The following KCNIP4 variants were observed in gnomAD, a reference collection of about 807,000 sequenced individuals.
KCNIP4 encodes the protein potassium voltage-gated channel interacting protein 4.
KCNIP4 carries 12 observed loss-of-function variants against 34.0 expected under a neutral mutation model. That is an observed-to-expected ratio of 0.35 (90% CI 0.23 to 0.57). KCNIP4 has a LOEUF of 0.57. KCNIP4 is among the 20% of genes least tolerant of loss of function. The probability of loss-of-function intolerance (pLI) is 0.83; values close to 1 mark genes in which losing one functional copy is unlikely to be tolerated. For missense variants in KCNIP4, 238 were observed against 311.7 expected, an observed-to-expected ratio of 0.76 and a Z score of 1.78; for synonymous variants, 124 against 102.2, an observed-to-expected ratio of 1.21 and a Z score of -1.29.
intron 1 of KCNIP4, among the ~76,000 whole-genome samples, chr4:21,734,754 T>C (rs1012549244): frequency 6.6e-6 from 1 of 152,120 alleles, no homozygotes; most frequent in African/African-American, 2.4e-5. Context: ...TTTCAAAAGC[T>C]ACAATCCAGG....
At chr4:21,244,326 A>G (rs1310693868) in intron 1 of KCNIP4, among the ~76,000 whole-genome samples, 1 of 152,212 alleles carries the variant, frequency 6.6e-6, no homozygotes, top group East Asian at 1.9e-4. Flanking sequence ...TTTCCATGAA[A>G]ACCAGGCTAT....
chr4:21,916,715 G>A (rs1728649505), intron 1 of KCNIP4, among the ~76,000 whole-genome samples: 1 of 152,162 alleles, frequency 6.6e-6, no homozygotes, highest in Non-Finnish European at 1.5e-5. Flanking sequence ...AAAAAGCTGG[G>A]CTTTGAGGAT....
At chr4:21,089,278 T>C (rs921005138) in intron 1 of KCNIP4, among the ~76,000 whole-genome samples, 1 of 152,164 alleles carries the variant, frequency 6.6e-6, no homozygotes, top group African/African-American at 2.4e-5. Context: ...TAAAAGTGTT[T>C]AGCACCTCCC....
At chr4:20,815,609 G>C (rs537654681) in intron 3 of KCNIP4, among the ~76,000 whole-genome samples, 1 of 152,116 alleles carries the variant, frequency 6.6e-6, no homozygotes, top group African/African-American at 2.4e-5. Context: ...AAACCTACCT[G>C]TTACATTAAT....
At chr4:21,394,224 C>A (rs1336951492) in intron 1 of KCNIP4, among the ~76,000 whole-genome samples, 2 of 152,116 alleles carry the variant, frequency 1.3e-5, no homozygotes, top group African/African-American at 4.8e-5. Context: ...GTCTCTTTTA[C>A]TATATAAGAA....
In KCNIP4 at chr4:21,709,325, C is replaced by T. The variant is rs1713535349; in HGVS notation, c.61+239246G>A. The stretch of plus-strand genomic sequence containing the variant: ...AGGTTGAGAGCTGAGTTTCAGATGA[C>T]GTTAAGATACAAACTGAGTATTTGG... On this transcript the variant is annotated intron_variant, in intron 1 of 8. Coordinates refer to ENST00000382152, the MANE Select transcript of KCNIP4 (RefSeq NM_025221.6). 2.6e-5 allele frequency among the ~76,000 whole-genome samples: 4 copies of T among 152,094 alleles called. No individual in the cohort carries two copies. The South Asian group carries it at 8.3e-4, about 32-fold the overall frequency.
intron 1 of KCNIP4, among the ~76,000 whole-genome samples, chr4:21,571,629 G>A (rs1156852814): frequency 1.3e-5 from 2 of 152,112 alleles, no homozygotes; most frequent in Non-Finnish European, 2.9e-5. Context: ...AGCAGGAAGA[G>A]GAAGGTGAAG....
intron 1 of KCNIP4, among the ~76,000 whole-genome samples, chr4:21,321,834 GAAGGAAGGAAAGGAA>G: frequency 2.1e-5 from 3 of 144,204 alleles, no homozygotes; most frequent in African/African-American, 5.1e-5. Context: ...AAGAAGAAGG[GAAGGAAGGAAAGGAA>G]GGAAGGAGAA....
chr4:20,846,442 AGCAAG>A (rs1387348723), intron 3 of KCNIP4, among the ~76,000 whole-genome samples: 1 of 152,226 alleles, frequency 6.6e-6, no homozygotes, highest in African/African-American at 2.4e-5. Context: ...AGTGCAGCAA[AGCAAG>A]ATTATGAAAC....
intron 1 of KCNIP4, among the ~76,000 whole-genome samples, chr4:21,325,767 A>G (rs991249745): frequency 1.4e-4 from 22 of 151,844 alleles, no homozygotes; most frequent in African/African-American, 5.1e-4. Context: ...TCCTTTTGCT[A>G]TATCTCATAG....
intron 1 of KCNIP4, among the ~76,000 whole-genome samples, chr4:21,841,430 G>C (rs1723668269): frequency 6.6e-6 from 1 of 152,118 alleles, no homozygotes; most frequent in Admixed American, 6.6e-5. Context: ...AATTTATCAT[G>C]AGAATGTTCA....
At position 21,107,757 on chromosome 4, in the gene KCNIP4, T is replaced by G. The variant is rs905668387; in HGVS notation, c.62-225048A>C. The stretch of plus-strand genomic sequence containing the variant: ...TGGTACCAGTTGATCCTTTCCATGT[T>G]TAGTGCTTCCTTCAGGAGCTCTTTT... On this transcript the variant is annotated intron_variant, in intron 1 of 8. Coordinates refer to ENST00000382152, the MANE Select transcript of KCNIP4 (RefSeq NM_025221.6). Among the ~76,000 whole-genome samples the G allele has an allele frequency of 9.6e-4, 145 of 151,680 alleles. 3 individuals carry two copies. The highest frequency in any genetic ancestry group is 3.4e-3 in the African/African-American group (138 of 40,956).
In KCNIP4 at chr4:21,124,874, C is replaced by G. The variant is rs148912277; in HGVS notation, c.62-242165G>C. On this transcript the variant is annotated intron_variant, in intron 1 of 8. Coordinates refer to ENST00000382152, the MANE Select transcript of KCNIP4 (RefSeq NM_025221.6). ...TCATCTACATGATCTCAACTCCATT[C>G]AGCTACATCCTGAAAAACTGTGATG... is the stretch of plus-strand genomic sequence containing the variant. 3.9e-3 allele frequency among the ~76,000 whole-genome samples: 592 copies of G among 152,132 alleles called. 6 individuals are homozygous for G. Among genetic ancestry groups the G allele is most frequent in the Middle Eastern group, 0.014 (4 of 294 alleles).
chr4:21,264,084 G>C (rs770700541), intron 1 of KCNIP4, among the ~76,000 whole-genome samples: 23 of 110,484 alleles, frequency 2.1e-4, no homozygotes, highest in Non-Finnish European at 4.6e-4. Context: ...CAAAGCTCAT[G>C]TTCTTAAACC....
chr4:21,325,397 A>G (rs1714936299), intron 1 of KCNIP4, among the ~76,000 whole-genome samples: 1 of 151,810 alleles, frequency 6.6e-6, no homozygotes, highest in Non-Finnish European at 1.5e-5. Context: ...ATAGTTGCTC[A>G]TAGTAGCCTC....
chr4:21,567,430 G>A (rs1453142719), intron 1 of KCNIP4, among the ~76,000 whole-genome samples: 1 of 151,886 alleles, frequency 6.6e-6, no homozygotes, highest in Non-Finnish European at 1.5e-5. Flanking sequence ...CCTCTTTCTT[G>A]CTTCTTGGAT....
intron 1 of KCNIP4, among the ~76,000 whole-genome samples, chr4:21,318,661 G>C (rs1314663403): frequency 1.3e-5 from 2 of 151,876 alleles, no homozygotes; most frequent in African/African-American, 4.8e-5. Context: ...CTAAAATCCT[G>C]GGTTTTTTTG....
chr4:21,698,354 C>T (rs1712565331), intron 1 of KCNIP4, among the ~76,000 whole-genome samples: 1 of 152,162 alleles, frequency 6.6e-6, no homozygotes, highest in Admixed American at 6.5e-5. Flanking sequence ...AGCTCCAAAA[C>T]TAATTTACTG....
intron 1 of KCNIP4, among the ~76,000 whole-genome samples, chr4:21,788,697 T>C (rs1340865667): frequency 6.6e-6 from 1 of 152,148 alleles, no homozygotes; most frequent in African/African-American, 2.4e-5. Context: ...ATAGTTACCA[T>C]TCCTTGAGCC....
Sources: allele counts gnomAD v4.1 joint callset (sites outside exome capture counted in the v4.1 genomes callset), GRCh38; gene constraint gnomAD v4.1.1; transcripts MANE v1.5; gene names NCBI Gene and HGNC (gene_info 2026-07-23, HGNC 2026-07-21).